THBD: variants seen among roughly 807,000 people sequenced by gnomAD.
The protein encoded by THBD is thrombomodulin.
For synonymous variants in THBD, 449 were observed against 374.2 expected (o/e 1.20, Z -2.31); for missense variants, 850 against 816.9 (o/e 1.04, Z -0.49).
Position 23,048,611 on chromosome 20 carries a change from G to A in THBD, c.894C>T (p.Pro298=). ...CNDLCEHFCV[P]NPDQPGSYSC... is the part of the protein sequence containing the mutation. ...AGTAGGAGCCCGGCTGGTCGGGGTT[G>A]GGAACGCAGAAGTGCTCGCAGAGGT... Residue 298 remains proline (P), a synonymous_variant, in exon 1 of 1, where the codon CCC becomes CCT. Transcript: ENST00000377103. 1 of 1,598,272 alleles carries A rather than the reference G, an allele frequency of 6.3e-7. No homozygotes were observed. Among genetic ancestry groups the A allele is most frequent in the East Asian group, 2.2e-5 (1 of 44,806 alleles).
rs1013876326 is a variant in THBD, at chr20:23,048,133, G to A, written c.1372C>T (p.Leu458Phe). ...CAGATGCACTCGAAGGTACCGGGGA[G>A]GTTGTGGCACACCCCGGAGCAGAAG... ...GGFCSGVCHNLPGTFECICGP... is the reference protein window; with the variant it reads ...GGFCSGVCHNFPGTFECICGP... The change falls in exon 1 of 1, where the codon CTC becomes TTC. Residue 458 changes from leucine (L) to phenylalanine (F), a missense_variant. Transcript: ENST00000377103. The A allele has an allele frequency of 2.5e-6, 4 of 1,613,578 alleles. No individual in the cohort carries two copies. In the African/African-American group the frequency reaches 5.3e-5, roughly 22 times the overall value.
Position 23,048,636 on chromosome 20 carries a change from T to C in THBD, c.869A>G (p.Asp290Gly). The change falls in exon 1 of 1, where the codon GAC becomes GGC. Residue 290 changes from aspartate (D) to glycine (G), a missense_variant. Transcript: ENST00000377103. ...GGGAACGCAGAAGTGCTCGCAGAGG[T>C]CGTTGCAGGACTGCGTCGCGGATGC... The part of the protein sequence containing the change: ...CTASATQSCN[D>G]LCEHFCVPNP... 1.9e-6 allele frequency: 3 copies of C among 1,596,426 alleles called. No individual in the cohort carries two copies. Among genetic ancestry groups the C allele is most frequent in the Non-Finnish European group, 2.5e-6 (3 of 1,178,754 alleles).
chr20:23,046,930 GATAA>G lies in THBD; in HGVS notation c.*843_*846del, dbSNP rs1243384747. ...TTCAGGCTCACTGTTTAAAAGTAAA[GATAA>G]ATACCTCTTTGGGTGTAATTTCTAT... On this transcript the variant is annotated 3_prime_UTR_variant, in exon 1 of 1. Transcript: ENST00000377103. The G allele has an allele frequency of 6.6e-6, 1 of 152,208 alleles. No individual in the cohort carries two copies. The highest frequency in any genetic ancestry group is 2.4e-5 in the African/African-American group (1 of 41,452). 9.4% of individuals were successfully genotyped at this position (152,208 alleles called of 1,614,324 possible).
rs749965272 is a variant in THBD, at chr20:23,048,741, G to T, written c.764C>A (p.Ala255Glu). 2 of 1,570,736 alleles carry T rather than the reference G, an allele frequency of 1.3e-6. No individual in the cohort carries two copies. Among genetic ancestry groups the T allele is most frequent in the Non-Finnish European group, 1.7e-6 (2 of 1,166,818 alleles). Residue 255 changes from alanine (A) to glutamate (E), a missense_variant, in exon 1 of 1, where the codon GCG (alanine) becomes GAG (glutamate). Physicochemically the swap from Ala to Glu is moderately radical, Grantham distance 107 (BLOSUM62 -1). Transcript: ENST00000377103. The part of the protein sequence containing the change: ...CSVENGGCEH[A>E]CNAIPGAPRC... ...GGGAGCCCCAGGGATCGCATTGCAC[G>T]CGTGCTCGCAGCCGCCGTTCTCCAC... is the stretch of plus-strand genomic sequence containing the variant.
Position 23,047,738 on chromosome 20 carries a change from A to G in THBD, c.*39T>C. 6.5e-7 allele frequency: 1 copy of G among 1,528,454 alleles called. No homozygotes were observed. Among genetic ancestry groups the G allele is most frequent in the Non-Finnish European group, 8.8e-7 (1 of 1,134,952 alleles). 94.7% of individuals were successfully genotyped at this position (1,528,454 alleles called of 1,614,324 possible). A position where few individuals can be genotyped will look rare whatever the true frequency, so the allele number is the denominator to read the frequency against. ...AGCAAAGCTGGGGGTGAGGAGGCAC[A>G]GGCTCCTGGACGGAGCCAGGCTCCT... On this transcript the variant is annotated 3_prime_UTR_variant, in exon 1 of 1. Coordinates refer to ENST00000377103, the MANE Select transcript of THBD (RefSeq NM_000361.3).
Position 23,048,662 on chromosome 20 carries a change from G to A in THBD, c.843C>T (p.Thr281=), listed in dbSNP as rs1432196644. ...CGTTGCAGGACTGCGTCGCGGATGC[G>A]GTGCAGGAGCGCCCGTCTGCCTGCA... ...AALQADGRSC[T]ASATQSCNDL... Residue 281 remains threonine (T), a synonymous_variant, in exon 1 of 1, where the codon ACC becomes ACT. Transcript: ENST00000377103. 2 of 1,587,566 alleles carry A rather than the reference G, an allele frequency of 1.3e-6. No homozygotes were observed. Among genetic ancestry groups the A allele is most frequent in the Non-Finnish European group, 1.7e-6 (2 of 1,173,134 alleles).
rs1389710610 is a variant in THBD, at chr20:23,047,960, C to A, written c.1545G>T (p.Ser515=). Residue 515 remains serine, a synonymous_variant, in exon 1 of 1, where the codon TCG becomes TCT. Transcript: ENST00000377103. The stretch of plus-strand genomic sequence containing the variant: ...CGATGGAGATGCCTATGAGCAAGCC[C>A]GAATGCACGAGCCCCACGGCCGGAG... The part of the protein sequence containing the change: ...LTPPAVGLVH[S]GLLIGISIAS... 8.7e-6 allele frequency: 14 copies of A among 1,609,430 alleles called. No individual in the cohort carries two copies. Among genetic ancestry groups the A allele is most frequent in the Non-Finnish European group, 1.2e-5 (14 of 1,178,298 alleles).
Position 23,048,561 on chromosome 20 carries a change from C to A in THBD, c.944G>T (p.Arg315Leu), listed in dbSNP as rs558416795. ...SYSCMCETGY[R>L]LAADQHRCED... The stretch of plus-strand genomic sequence containing the variant: ...GCACCGGTGTTGGTCGGCCGCCAGC[C>A]GGTAGCCGGTCTCGCACATGCACGA... The change falls in exon 1 of 1, where the codon CGG becomes CTG. Residue 315 changes from arginine (R) to leucine (L), a missense_variant. Physicochemically the swap from Arg to Leu is moderately radical, Grantham distance 102. Coordinates refer to ENST00000377103, the MANE Select transcript of THBD (RefSeq NM_000361.3). The A allele has an allele frequency of 3.8e-6, 6 of 1,599,748 alleles. No homozygotes were observed. Among genetic ancestry groups the A allele is most frequent in the Admixed American group, 3.3e-5 (2 of 59,980 alleles).
At position 23,048,439 on chromosome 20, in the gene THBD, C is replaced by G; in HGVS notation, c.1066G>C (p.Asp356His). The part of the protein sequence containing the change: ...GFECHCYPNY[D>H]LVDGECVEPV... ...TCCACACACTCGCCGTCCACCAGGT[C>G]GTAGTTAGGGTAGCAGTGGCACTCG... Residue 356 changes from aspartate (D) to histidine (H), a missense_variant, in exon 1 of 1, where the codon GAC (aspartate) becomes CAC (histidine). Coordinates refer to ENST00000377103, the MANE Select transcript of THBD (RefSeq NM_000361.3). 3 of 1,613,860 alleles carry G rather than the reference C, an allele frequency of 1.9e-6. No homozygotes were observed. The highest frequency in any genetic ancestry group is 2.5e-6 in the Non-Finnish European group (3 of 1,180,044).
chr20:23,048,440 G>A lies in THBD; in HGVS notation c.1065C>T (p.Tyr355=). 6.2e-7 allele frequency: 1 copy of A among 1,613,784 alleles called. No individual in the cohort carries two copies. The highest frequency in any genetic ancestry group is 8.5e-7 in the Non-Finnish European group (1 of 1,180,042). ...CCACACACTCGCCGTCCACCAGGTCGTAGTTAGGGTAGCAGTGGCACTCGA... is the reference window on the plus strand; with the variant it reads ...CCACACACTCGCCGTCCACCAGGTCATAGTTAGGGTAGCAGTGGCACTCGA... ...GGFECHCYPN[Y]DLVDGECVEP... The change falls in exon 1 of 1, where the codon TAC becomes TAT. Residue 355 remains tyrosine, a synonymous_variant. Coordinates refer to ENST00000377103, the MANE Select transcript of THBD (RefSeq NM_000361.3).
rs560743900 is a variant in THBD at position 23,048,881 on chromosome 20, C to A, written c.624G>T (p.Pro208=). ...GAGCCACCGCGGCGGAGCTGCCCAC[C>A]GGCAGCGCCTGGAAGTCCGCTCCGC... is the stretch of plus-strand genomic sequence containing the variant. ...AARGADFQAL[P]VGSSAAVAPL... Residue 208 remains proline (P), a synonymous_variant, in exon 1 of 1, where the codon CCG becomes CCT. Coordinates refer to ENST00000377103, the MANE Select transcript of THBD (RefSeq NM_000361.3). 2.0e-6 allele frequency: 3 copies of A among 1,509,660 alleles called. No homozygotes were observed. Among genetic ancestry groups the A allele is most frequent in the African/African-American group, 1.4e-5 (1 of 71,866 alleles). 93.5% of individuals were successfully genotyped at this position (1,509,660 alleles called of 1,614,324 possible). A position where few individuals can be genotyped will look rare whatever the true frequency, so the allele number is the denominator to read the frequency against.
chr20:23,049,264 C>T lies in THBD; in HGVS notation c.241G>A (p.Val81Ile), dbSNP rs772288987. Residue 81 changes from valine (V) to isoleucine (I), a missense_variant, in exon 1 of 1, where the codon GTT becomes ATT. Val to Ile is a conservative substitution (Grantham distance 29). Coordinates refer to ENST00000377103, the MANE Select transcript of THBD (RefSeq NM_000361.3). ...ISLLLNGDGG[V>I]GRRRLWIGLQ... ...CCGATCCAGAGGCGCCGGCGGCCAA[C>T]GCCGCCGTCGCCGTTCAGTAGCAAG... 20 of 1,546,220 alleles carry T rather than the reference C, an allele frequency of 1.3e-5. No individual in the cohort carries two copies. The highest frequency in any genetic ancestry group is 2.0e-4 in the Middle Eastern group (1 of 4,992).
rs375011249 is a variant in THBD, at chr20:23,048,822, G to A, written c.683C>T (p.Pro228Leu). Residue 228 changes from proline (P) to leucine (L), a missense_variant, in exon 1 of 1, where the codon CCC becomes CTC. Pro to Leu is a moderately conservative substitution (Grantham distance 98, BLOSUM62 -3). Transcript: ENST00000377103. ...LGLQLMCTAP[P>L]GAVQGHWARE... ...GGCCCAGTGCCCCTGGACCGCTCCG[G>A]GCGGCGCGGTGCACATTAGCTGTAA... The A allele has an allele frequency of 3.5e-4, 533 of 1,518,302 alleles. 1 individual carries two copies. The highest frequency in any genetic ancestry group is 4.0e-4 in the Non-Finnish European group (452 of 1,138,138). 94.1% of individuals were successfully genotyped at this position (1,518,302 alleles called of 1,614,324 possible).
At position 23,047,413 on chromosome 20, in the gene THBD, A is replaced by AAAAATAAAT. The variant is rs1984597112; in HGVS notation, c.*355_*363dup. On this transcript the variant is annotated 3_prime_UTR_variant, in exon 1 of 1. Transcript: ENST00000377103. ...ACAAACAAAAACCTAAATACTTAAA[A>AAAAATAAAT]AAAATAAATATTTTAGTCATCCCTA... is the stretch of plus-strand genomic sequence containing the variant. 1 of 290,766 alleles carries AAAAATAAAT rather than the reference A, an allele frequency of 3.4e-6. No homozygotes were observed. Among genetic ancestry groups the AAAAATAAAT allele is most frequent in the South Asian group, 7.6e-5 (1 of 13,244 alleles). The allele number at this position is 290,766 out of a possible 1,614,324, so 18.0% of individuals were successfully genotyped here. A position where few individuals can be genotyped will look rare whatever the true frequency, so the allele number is the denominator to read the frequency against.
In THBD at chr20:23,048,645, G is replaced by T; in HGVS notation, c.860C>A (p.Ser287Tyr). 2 of 1,594,934 alleles carry T rather than the reference G, an allele frequency of 1.3e-6. No homozygotes were observed. The highest frequency in any genetic ancestry group is 1.7e-6 in the Non-Finnish European group (2 of 1,177,904). Residue 287 changes from serine to tyrosine, a missense_variant, in exon 1 of 1, where the codon TCC (serine) becomes TAC (tyrosine). Physicochemically the swap from Ser to Tyr is moderately radical, Grantham distance 144. Transcript: ENST00000377103. Reference sequence around the variant, plus strand: ...GAAGTGCTCGCAGAGGTCGTTGCAGGACTGCGTCGCGGATGCGGTGCAGGA... The same window carrying T: ...GAAGTGCTCGCAGAGGTCGTTGCAGTACTGCGTCGCGGATGCGGTGCAGGA... The part of the protein sequence containing the change: ...GRSCTASATQ[S>Y]CNDLCEHFCV...
Position 23,048,780 on chromosome 20 carries a change from G to C in THBD, c.725C>G (p.Ala242Gly). The C allele has an allele frequency of 6.5e-7, 1 of 1,544,830 alleles. No homozygotes were observed. Among genetic ancestry groups the C allele is most frequent in the Non-Finnish European group, 8.7e-7 (1 of 1,152,468 alleles). The change falls in exon 1 of 1, where the codon GCT (alanine) becomes GGT (glycine). Residue 242 changes from alanine (A) to glycine (G), a missense_variant. Coordinates refer to ENST00000377103, the MANE Select transcript of THBD (RefSeq NM_000361.3). ...GCCGTTCTCCACGCTGCAGTCCCAA[G>C]CGCCCGGCGCCTCCCTGGCCCAGTG... ...QGHWAREAPG[A>G]WDCSVENGGC...
At position 23,048,222 on chromosome 20, in the gene THBD, G is replaced by C. The variant is rs758443350; in HGVS notation, c.1283C>G (p.Pro428Arg). The stretch of plus-strand genomic sequence containing the variant: ...ACCGTCGTCCAGGATGTAGCCTTCA[G>C]GGCACTCACAGCTAGCCTGGGTGTT... ...DPNTQASCEC[P>R]EGYILDDGFI... The change falls in exon 1 of 1, where the codon CCT (proline) becomes CGT (arginine). Residue 428 changes from proline (P) to arginine (R), a missense_variant. Physicochemically the swap from Pro to Arg is moderately radical, Grantham distance 103. Transcript: ENST00000377103. 18 of 1,613,918 alleles carry C rather than the reference G, an allele frequency of 1.1e-5. No homozygotes were observed. In the South Asian group the frequency reaches 2.0e-4, roughly 18 times the overall value.
chr20:23,049,470 A>C lies in THBD; in HGVS notation c.35T>G (p.Leu12Arg). ...LGVLVLGALA[L>R]AGLGFPAPAE... ...GGGTGCGGGGAACCCCAGGCCGGCC[A>C]GGGCCAGCGCGCCAAGGACCAGGAC... The change falls in exon 1 of 1, where the codon CTG (leucine) becomes CGG (arginine). Residue 12 changes from leucine to arginine, a missense_variant. Physicochemically the swap from Leu to Arg is moderately radical, Grantham distance 102 (BLOSUM62 -2). Transcript: ENST00000377103. 1 of 1,545,650 alleles carries C rather than the reference A, an allele frequency of 6.5e-7. No homozygotes were observed. Among genetic ancestry groups the C allele is most frequent in the Non-Finnish European group, 8.7e-7 (1 of 1,146,252 alleles).
At position 23,047,484 on chromosome 20, in the gene THBD, C is replaced by CAG; in HGVS notation, c.*292_*293insCT. The stretch of plus-strand genomic sequence containing the variant: ...CCCAGAAGGCTGCCGACCAATAACG[C>CAG]TCACCCTCCTGCGCCCGGTAGTGAG... On this transcript the variant is annotated 3_prime_UTR_variant, in exon 1 of 1. Transcript: ENST00000377103. 1 of 508,450 alleles carries CAG rather than the reference C, an allele frequency of 2.0e-6. No individual in the cohort carries two copies. The highest frequency in any genetic ancestry group is 3.5e-6 in the Non-Finnish European group (1 of 287,428). 31.5% of individuals were successfully genotyped at this position (508,450 alleles called of 1,614,324 possible).
Sources: gnomAD v4.1 joint callset for allele counts on GRCh38, gnomAD v4.1.1 for gene constraint, MANE v1.5 for transcripts, NCBI Gene and HGNC (gene_info 2026-07-23, HGNC 2026-07-21) for gene names.